The following EDAR variants were observed in gnomAD, a reference collection of about 807,000 sequenced individuals.
The protein encoded by EDAR is tumor necrosis factor receptor superfamily member EDAR.
Under a neutral mutation model 51.3 loss-of-function variants are expected in EDAR, and 38 were observed. The ratio of observed to expected loss-of-function variants is 0.74; its 90% CI spans 0.57 to 0.97. The LOEUF is 0.97. Among genes scored for constraint, EDAR ranks in the 50% least tolerant of loss-of-function variants. EDAR has a pLI of 0.00. For synonymous variants in EDAR, 227 were observed against 242.1 expected, an observed-to-expected ratio of 0.94 and a Z score of 0.58; for missense variants, 528 against 595.0, an observed-to-expected ratio of 0.89 and a Z score of 1.17.
At chr2:108,902,761 G>A (rs1040559340) in intron 11 of EDAR, among the ~76,000 whole-genome samples, 1 of 152,116 alleles carries the variant, frequency 6.6e-6, no homozygotes, top group African/African-American at 2.4e-5. Context: ...AAAAATTAAT[G>A]TCAACAATTT....
intron 4 of EDAR, 135 bp downstream of exon 4, chr2:108,929,063 G>A (rs1574385184): frequency 2.9e-6 from 3 of 1,030,022 alleles, no homozygotes; most frequent in Non-Finnish European, 2.9e-6. Context: ...CTTGTGGGAT[G>A]GGACCAAGGC....
intron 5 of EDAR, among the ~76,000 whole-genome samples, chr2:108,918,684 G>T (rs146371009): frequency 6.6e-6 from 1 of 152,324 alleles, no homozygotes; most frequent in Non-Finnish European, 1.5e-5. Flanking sequence ...CCCCAGGAAT[G>T]CTCAGTGAGC....
intron 1 of EDAR, among the ~76,000 whole-genome samples, chr2:108,970,047 C>T (rs1011736791): frequency 2.0e-4 from 31 of 152,188 alleles, no homozygotes; most frequent in African/African-American, 3.1e-4. Context: ...ATCTGGATGA[C>T]GTGATGAGTC....
chr2:108,899,977 C>G (rs1313577055), intron 11 of EDAR, among the ~76,000 whole-genome samples: 1 of 152,004 alleles, frequency 6.6e-6, no homozygotes, highest in Admixed American at 6.5e-5. Context: ...CAGAGTAAAA[C>G]TCCATGTCAA....
chr2:108,958,386 T>G (rs1031883665), intron 1 of EDAR, among the ~76,000 whole-genome samples: 6 of 128,340 alleles, frequency 4.7e-5, no homozygotes, highest in African/African-American at 2.2e-4. Flanking sequence ...TTAATAACCA[T>G]GAAATAGTTA....
At chr2:108,977,090 C>T (rs550155622) in intron 1 of EDAR, among the ~76,000 whole-genome samples, 3 of 152,238 alleles carry the variant, frequency 2.0e-5, no homozygotes, top group South Asian at 2.1e-4. Flanking sequence ...GTGATCAGGA[C>T]GCCAATAAGG....
chr2:108,904,528 T>G (rs1696766090), intron 11 of EDAR, among the ~76,000 whole-genome samples: 1 of 152,186 alleles, frequency 6.6e-6, no homozygotes, highest in Non-Finnish European at 1.5e-5. Context: ...TTATAGCACC[T>G]TTATTCATAA....
intron 1 of EDAR, among the ~76,000 whole-genome samples, chr2:108,963,397 G>A (rs530868745): frequency 3.3e-5 from 5 of 152,058 alleles, no homozygotes; most frequent in African/African-American, 1.2e-4. Context: ...AAGAAGATTC[G>A]AATTGTAAAA....
chr2:108,980,712 C>T (rs1012575263), intron 1 of EDAR, among the ~76,000 whole-genome samples: 1 of 152,082 alleles, frequency 6.6e-6, no homozygotes, highest in Admixed American at 6.5e-5. Flanking sequence ...GACACACAGA[C>T]ATCTTGGGCC....
intron 1 of EDAR, among the ~76,000 whole-genome samples, chr2:108,951,495 G>A (rs575030845): frequency 2.6e-5 from 4 of 152,156 alleles, no homozygotes; most frequent in Non-Finnish European, 5.9e-5. Context: ...ATAAAGCACA[G>A]CTTGATGGGA....
rs187141195 is a variant in EDAR at position 108,981,339 on chromosome 2, G to A, written c.-19+7621C>T. Among the ~76,000 whole-genome samples the A allele has an allele frequency of 1.1e-4, 17 of 152,304 alleles. 1 individual carries two copies. Among genetic ancestry groups the A allele is most frequent in the African/African-American group, 3.8e-4 (16 of 41,582 alleles). On this transcript the variant is annotated intron_variant, in intron 1 of 11. Transcript: ENST00000258443. ...AGCCCATGCCAGTCCAACCCCACCAGGACCAGTCCACCCCAACTTCAGGGA... is the reference window on the plus strand; with the variant it reads ...AGCCCATGCCAGTCCAACCCCACCAAGACCAGTCCACCCCAACTTCAGGGA...
At chr2:108,974,507 G>A (rs893886441) in intron 1 of EDAR, among the ~76,000 whole-genome samples, 7 of 151,756 alleles carry the variant, frequency 4.6e-5, no homozygotes, top group Non-Finnish European at 1.0e-4. Flanking sequence ...CAAGGGGGGT[G>A]GATCACCAGG....
intron 4 of EDAR, among the ~76,000 whole-genome samples, chr2:108,925,279 C>T (rs1320316382): frequency 2.6e-5 from 4 of 152,336 alleles, no homozygotes; most frequent in South Asian, 4.1e-4. Context: ...AGTTCTTCTC[C>T]GTGGAACTTT....
intron 1 of EDAR, among the ~76,000 whole-genome samples, chr2:108,975,716 G>A (rs1698311844): frequency 6.6e-6 from 1 of 152,148 alleles, no homozygotes; most frequent in Admixed American, 6.5e-5. Flanking sequence ...GTGGTCGGAG[G>A]AAATGACATG....
intron 6 of EDAR, among the ~76,000 whole-genome samples, chr2:108,912,048 G>A (rs146319898): frequency 6.6e-6 from 1 of 152,354 alleles, no homozygotes; most frequent in African/African-American, 2.4e-5. Flanking sequence ...CTCTGCGTTA[G>A]CGCGTGGGAG....
intron 1 of EDAR, among the ~76,000 whole-genome samples, chr2:108,981,068 C>T (rs1698411588): frequency 6.6e-6 from 1 of 152,196 alleles, no homozygotes; most frequent in African/African-American, 2.4e-5. Context: ...TTCCAATGTG[C>T]TCACGGCCCG....
intron 9 of EDAR, among the ~76,000 whole-genome samples, chr2:108,910,127 C>T (rs1398967882): frequency 6.6e-6 from 1 of 152,186 alleles, no homozygotes; most frequent in Non-Finnish European, 1.5e-5. Context: ...GTGTTGGCCG[C>T]AACAGGCATG....
At position 108,904,271 on chromosome 2, in the gene EDAR, C is replaced by T. The variant is rs529103504; in HGVS notation, c.1024+2037G>A. Among the ~76,000 whole-genome samples, 6 of 152,268 alleles carry T rather than the reference C, an allele frequency of 3.9e-5. No individual in the cohort carries two copies. In the South Asian group the frequency reaches 1.0e-3, roughly 26 times the overall value. On this transcript the variant is annotated intron_variant, in intron 11 of 11. Transcript: ENST00000258443. ...GAGACCACAATAAGATATCATAACACACTTCTCAGAATAGCTAAAACAAAA... is the reference window on the plus strand; with the variant it reads ...GAGACCACAATAAGATATCATAACATACTTCTCAGAATAGCTAAAACAAAA...
intron 1 of EDAR, among the ~76,000 whole-genome samples, chr2:108,948,682 T>A (rs1461735483): frequency 6.6e-6 from 1 of 152,106 alleles, no homozygotes; most frequent in Admixed American, 6.5e-5. Context: ...TCCTGAGAAC[T>A]AACTCAATAT....
Sources: gnomAD v4.1 joint callset for allele counts (sites outside exome capture counted in the v4.1 genomes callset) on GRCh38, gnomAD v4.1.1 for gene constraint, MANE v1.5 for transcripts, NCBI Gene and HGNC (gene_info 2026-07-23, HGNC 2026-07-21) for gene names.